The following RNF141 variants were observed in gnomAD, a reference collection of about 807,000 sequenced individuals.
RNF141 encodes the protein C3HC4-like zinc finger protein.
A neutral mutation model predicts 27.4 loss-of-function variants in RNF141; 18 were observed. That is an observed-to-expected ratio of 0.66 (90% confidence interval 0.45 to 0.97). RNF141 has a LOEUF of 0.97. Among genes scored for constraint, RNF141 ranks in the 50% least tolerant of loss-of-function variants. RNF141 has a pLI of 0.00. For synonymous variants in RNF141, 97 were observed against 96.6 expected, an observed-to-expected ratio of 1.00 and a Z score of -0.02; for missense variants, 230 against 279.4, an observed-to-expected ratio of 0.82 and a Z score of 1.26.
chr11:10,538,897 T>A (rs1850060586), intron 1 of RNF141, among the ~76,000 whole-genome samples: 1 of 152,206 alleles, frequency 6.6e-6, no homozygotes, highest in Admixed American at 6.5e-5. Flanking sequence ...TGGTATTGCA[T>A]AGAAACATAA....
Position 10,514,602 on chromosome 11 carries a change from A to C in RNF141, c.*314T>G, listed in dbSNP as rs1333311323. The C allele has an allele frequency of 1.4e-5, 3 of 208,356 alleles. No individual in the cohort carries two copies. The highest frequency in any genetic ancestry group is 2.8e-5 in the Non-Finnish European group (3 of 105,748). The allele number at this position is 208,356 out of a possible 1,614,324, so 12.9% of individuals were successfully genotyped here. A position where few individuals can be genotyped will look rare whatever the true frequency, so the allele number is the denominator to read the frequency against. ...GAATACTCCTGCCCTGCAAAACAGT[A>C]GTGTTTTAGAAGCCTCTGGAAGTGT... On this transcript the variant is annotated 3_prime_UTR_variant, in exon 6 of 6. Coordinates refer to ENST00000265981, the MANE Select transcript of RNF141 (RefSeq NM_016422.4).
At chr11:10,528,639 T>C (rs1447444849) in intron 3 of RNF141, among the ~76,000 whole-genome samples, 1 of 152,188 alleles carries the variant, frequency 6.6e-6, no homozygotes, top group Non-Finnish European at 1.5e-5. Flanking sequence ...CTGAGTACTT[T>C]ATGAAATAAA....
intron 1 of RNF141, among the ~76,000 whole-genome samples, chr11:10,538,900 A>C (rs72859201): frequency 0.012 from 1,871 of 152,358 alleles, 17 homozygotes; most frequent in Non-Finnish European, 0.018. Context: ...TATTGCATAG[A>C]AACATAATTT....
chr11:10,528,276 CTCTT>C (rs1849955724), intron 3 of RNF141, among the ~76,000 whole-genome samples: 1 of 151,996 alleles, frequency 6.6e-6, no homozygotes, highest in African/African-American at 2.4e-5. Context: ...TGGACTTGAC[CTCTT>C]TCTAACATAA....
intron 2 of RNF141, among the ~76,000 whole-genome samples, chr11:10,531,397 AGTGTC>A (rs1849985507): frequency 1.3e-5 from 2 of 148,240 alleles, no homozygotes; most frequent in Non-Finnish European, 3.0e-5. Context: ...AAGGTTAGCT[AGTGTC>A]ATTTATCAAA....
chr11:10,533,526 A>G (rs193173472), intron 2 of RNF141, among the ~76,000 whole-genome samples: 1 of 142,680 alleles, frequency 7.0e-6, no homozygotes, highest in East Asian at 2.0e-4. Flanking sequence ...CAAAATGATG[A>G]CACAGTAAAA....
At chr11:10,517,871 T>C (rs1333496191) in intron 5 of RNF141, 1 of 152,200 alleles carries the variant, frequency 6.6e-6, no homozygotes, top group East Asian at 1.9e-4. Context: ...ACAAGGTTGA[T>C]ATACAAATAT....
rs1356229323 is a variant in RNF141, at chr11:10,529,560, T to A, written c.252+1083A>T. Among the ~76,000 whole-genome samples the A allele has an allele frequency of 5.3e-5, 8 of 152,330 alleles. No homozygotes were observed. In the East Asian group the frequency reaches 1.4e-3, roughly 26 times the overall value. ...CAGAAAAGATAGTTTGGAGTCATATTGTAGGAGTTGGGACTATTTGGTAGG... is the reference window on the plus strand; with the variant it reads ...CAGAAAAGATAGTTTGGAGTCATATAGTAGGAGTTGGGACTATTTGGTAGG... On this transcript the variant is annotated intron_variant, in intron 3 of 5. Transcript: ENST00000265981.
rs1252040149 is a variant in RNF141 at position 10,514,948 on chromosome 11, C to T, written c.661G>A (p.Ala221Thr). 1.9e-6 allele frequency: 3 copies of T among 1,613,406 alleles called. No individual in the cohort carries two copies. Among genetic ancestry groups the T allele is most frequent in the African/African-American group, 2.7e-5 (2 of 74,870 alleles). ...CTGTGGGGCTGGCCTGCCTCATCAG[C>T]CATGTTAAGAATATAGTTAGCCATA... ...DDMANYILNM[A>T]DEAGQPHRP is the part of the protein sequence containing the mutation. The change falls in exon 6 of 6, where the codon GCT becomes ACT. Residue 221 changes from alanine to threonine, a missense_variant. Ala to Thr is a moderately conservative substitution (Grantham distance 58). Transcript: ENST00000265981.
intron 4 of RNF141, among the ~76,000 whole-genome samples, chr11:10,524,978 TTAA>T (rs1394027745): frequency 6.6e-6 from 1 of 152,060 alleles, no homozygotes; most frequent in African/African-American, 2.4e-5. Flanking sequence ...GACAGAAACA[TTAA>T]TATTAAAGTG....
In RNF141 at chr11:10,519,056, A is replaced by G. The variant is rs1849865149; in HGVS notation, c.520T>C (p.Cys174Arg). 6.2e-7 allele frequency: 1 copy of G among 1,613,838 alleles called. No homozygotes were observed. The change falls in exon 5 of 6, where the codon TGT (cysteine) becomes CGT (arginine). Residue 174 changes from cysteine to arginine, a missense_variant. Transcript: ENST00000265981. ...DLILPCAHSFCQKCIDKWSDR... is the reference protein window; with the variant it reads ...DLILPCAHSFRQKCIDKWSDR... The stretch of plus-strand genomic sequence containing the variant: ...TACCATTTATCAATACACTTCTGAC[A>G]AAAGCTGTGAGCACAAGGCAGGATG...
intron 4 of RNF141, among the ~76,000 whole-genome samples, chr11:10,523,526 C>A (rs1482970150): frequency 6.6e-6 from 1 of 152,196 alleles, no homozygotes; most frequent in Non-Finnish European, 1.5e-5. Context: ...AATTATGCAT[C>A]AGATGTAAAG....
In RNF141 at chr11:10,511,853, T is replaced by C. The variant is rs1259029538; in HGVS notation, c.*3063A>G. 2 of 152,602 alleles carry C rather than the reference T, an allele frequency of 1.3e-5. No homozygotes were observed. The highest frequency in any genetic ancestry group is 6.5e-5 in the Admixed American group (1 of 15,286). The allele number at this position is 152,602 out of a possible 1,614,324, so 9.5% of individuals were successfully genotyped here. ...CAAGCCCCCAGCGCACAATATAAAA[T>C]AGTTCTCTAAGGAATATAAACATTT... On this transcript the variant is annotated 3_prime_UTR_variant, in exon 6 of 6. Coordinates refer to ENST00000265981, the MANE Select transcript of RNF141 (RefSeq NM_016422.4).
chr11:10,520,270 CACTT>C (rs1849878025), intron 4 of RNF141, among the ~76,000 whole-genome samples: 1 of 152,122 alleles, frequency 6.6e-6, no homozygotes, highest in South Asian at 2.1e-4. Context: ...TTTGTAACAA[CACTT>C]ACCTTAAAAC....
chr11:10,532,790 A>C (rs1850000334), intron 2 of RNF141, among the ~76,000 whole-genome samples: 1 of 152,184 alleles, frequency 6.6e-6, no homozygotes, highest in Non-Finnish European at 1.5e-5. Context: ...TCTTACCTTA[A>C]ACTATTAATA....
At chr11:10,526,198 A>C (rs1849934560) in intron 3 of RNF141, among the ~76,000 whole-genome samples, 1 of 152,220 alleles carries the variant, frequency 6.6e-6, no homozygotes, top group South Asian at 2.1e-4. Flanking sequence ...CTGGGGAAGA[A>C]GTAAGCCATG....
At chr11:10,529,627 T>C (rs1849968749) in intron 3 of RNF141, among the ~76,000 whole-genome samples, 1 of 152,246 alleles carries the variant, frequency 6.6e-6, no homozygotes, top group African/African-American at 2.4e-5. Context: ...GGCAGTAATC[T>C]GATGCGAGTT....
At chr11:10,523,986 G>T (rs2133969040) in intron 4 of RNF141, among the ~76,000 whole-genome samples, 1 of 152,196 alleles carries the variant, frequency 6.6e-6, no homozygotes, top group East Asian at 1.9e-4. Context: ...ACCAAACCTA[G>T]AAAACCAAGT....
At chr11:10,532,568 TATTGTTTTGTTTTA>T (rs1849998600) in intron 2 of RNF141, among the ~76,000 whole-genome samples, 1 of 151,920 alleles carries the variant, frequency 6.6e-6, no homozygotes, top group Non-Finnish European at 1.5e-5. Context: ...TTTTGTTTTA[TATTGTTTTGTTTTA>T]ATGAATGAAA....
Sources: gnomAD v4.1 joint callset for allele counts (sites outside exome capture counted in the v4.1 genomes callset) on GRCh38, gnomAD v4.1.1 for gene constraint, MANE v1.5 for transcripts, NCBI Gene and HGNC (gene_info 2026-07-23, HGNC 2026-07-21) for gene names.